CDH13: variants seen among roughly 807,000 people sequenced by gnomAD.
The protein encoded by CDH13 is cadherin-13.
CDH13 carries 24 observed loss-of-function variants against 63.8 expected under a neutral mutation model. The observed-to-expected ratio is 0.38, with a 90% CI of 0.27 to 0.53. The LOEUF (loss-of-function observed/expected upper bound fraction) is 0.53, where lower values mean the gene tolerates loss of function less well. CDH13 is among the 20% of genes least tolerant of loss of function. The probability of loss-of-function intolerance (pLI) is 0.85; values close to 1 mark genes in which losing one functional copy is unlikely to be tolerated. For missense variants in CDH13, 1,049 were observed against 903.1 expected, an observed-to-expected ratio of 1.16 and a Z score of -2.07; for synonymous variants, 503 against 355.3, an observed-to-expected ratio of 1.42 and a Z score of -4.67.
intron 5 of CDH13, among the ~76,000 whole-genome samples, chr16:83,246,912 T>G (rs1008172312): frequency 2.0e-5 from 3 of 152,212 alleles, no homozygotes; most frequent in African/African-American, 7.2e-5. Flanking sequence ...TGCCCGTGAC[T>G]TCTCTAATGC....
At chr16:83,024,601 T>A (rs547343224) in intron 2 of CDH13, among the ~76,000 whole-genome samples, 1 of 152,300 alleles carries the variant, frequency 6.6e-6, no homozygotes. Context: ...AGTCTCAGTT[T>A]CCACAGAACA....
At chr16:82,723,248 G>A (rs541594803) in intron 1 of CDH13, 1 of 152,288 alleles carries the variant, frequency 6.6e-6, no homozygotes, top group African/African-American at 2.4e-5. Flanking sequence ...GTGGCACTCT[G>A]TTCCTCCTTA....
At chr16:82,767,456 T>G (rs1329039221) in intron 1 of CDH13, among the ~76,000 whole-genome samples, 2 of 152,234 alleles carry the variant, frequency 1.3e-5, no homozygotes, top group East Asian at 3.8e-4. Context: ...GATCCTTGCA[T>G]GTTGTTGCAC....
chr16:82,810,432 A>G (rs575760384), intron 1 of CDH13, among the ~76,000 whole-genome samples: 2 of 152,296 alleles, frequency 1.3e-5, no homozygotes, highest in South Asian at 2.1e-4. Context: ...GGGAACTTTA[A>G]TCGTCTCCTC....
At chr16:83,780,398 A>G (rs1915435695) in intron 12 of CDH13, among the ~76,000 whole-genome samples, 197 bp downstream of exon 12, 1 of 152,238 alleles carries the variant, frequency 6.6e-6, no homozygotes, top group Admixed American at 6.5e-5. Flanking sequence ...TCTGTTTCAA[A>G]CACAGACATT....
At chr16:83,188,094 C>G (rs2038582152) in intron 4 of CDH13, among the ~76,000 whole-genome samples, 1 of 152,180 alleles carries the variant, frequency 6.6e-6, no homozygotes, top group Admixed American at 6.5e-5. Context: ...CACAGAAGGT[C>G]TTGGAGCCCA....
intron 7 of CDH13, among the ~76,000 whole-genome samples, chr16:83,541,905 A>G (rs1289080905): frequency 6.6e-6 from 1 of 152,242 alleles, no homozygotes; most frequent in Non-Finnish European, 1.5e-5. Flanking sequence ...CATGGGACAG[A>G]GGCTGTGTCT....
intron 1 of CDH13, among the ~76,000 whole-genome samples, chr16:82,750,118 T>C (rs1412430643): frequency 6.6e-6 from 1 of 152,058 alleles, no homozygotes; most frequent in East Asian, 1.9e-4. Context: ...CTGGAGGACA[T>C]AAGTTGAGCG....
At chr16:83,061,025 A>C (rs1223708803) in intron 3 of CDH13, among the ~76,000 whole-genome samples, 1 of 152,218 alleles carries the variant, frequency 6.6e-6, no homozygotes, top group East Asian at 1.9e-4. Flanking sequence ...GCTTAATACA[A>C]GTTCCTTGGC....
chr16:83,194,651 T>G (rs776270471), intron 4 of CDH13, among the ~76,000 whole-genome samples: 1 of 152,322 alleles, frequency 6.6e-6, no homozygotes, highest in East Asian at 1.9e-4. Context: ...CTTAACTAAA[T>G]CTTTTTTCTT....
rs975266003 is a variant in CDH13 at position 83,118,306 on chromosome 16, A to G, written c.367-7079A>G. Among the ~76,000 whole-genome samples, 25 of 152,182 alleles carry G rather than the reference A, an allele frequency of 1.6e-4. 1 individual carries two copies. Among genetic ancestry groups the G allele is most frequent in the Admixed American group, 1.6e-3 (24 of 15,282 alleles). On this transcript the variant is annotated intron_variant, in intron 3 of 13. Coordinates refer to ENST00000567109, the MANE Select transcript of CDH13 (RefSeq NM_001257.5). ...CTGGAAGTGCGAAGACGTGTGGCAT[A>G]TGTCCGTGGGTCTAGGCAGCTGATG...
At chr16:83,510,561 A>G (rs1263709088) in intron 7 of CDH13, among the ~76,000 whole-genome samples, 1 of 152,244 alleles carries the variant, frequency 6.6e-6, no homozygotes, top group African/African-American at 2.4e-5. Flanking sequence ...GAATAAGGAT[A>G]TGTTAGAAGA....
intron 7 of CDH13, among the ~76,000 whole-genome samples, chr16:83,489,160 A>G (rs929449405): frequency 6.6e-6 from 1 of 152,214 alleles, no homozygotes; most frequent in Non-Finnish European, 1.5e-5. Flanking sequence ...ATATTTTATA[A>G]GTCTCTATTT....
chr16:82,820,230 A>G (rs539983340), intron 1 of CDH13, among the ~76,000 whole-genome samples: 6 of 152,204 alleles, frequency 3.9e-5, no homozygotes. Flanking sequence ...GAAATAGTCA[A>G]TAGTGAATGG....
chr16:82,851,522 C>A (rs2039486049), intron 1 of CDH13, among the ~76,000 whole-genome samples: 1 of 152,106 alleles, frequency 6.6e-6, no homozygotes, highest in Admixed American at 6.5e-5. Context: ...TTTTACCTCC[C>A]CAAGAACTGT....
intron 7 of CDH13, among the ~76,000 whole-genome samples, chr16:83,521,518 G>T (rs540846094): frequency 2.9e-4 from 44 of 152,294 alleles, no homozygotes; most frequent in African/African-American, 1.1e-3. Flanking sequence ...TTTAAAGACA[G>T]CTTATCCCAG....
In CDH13 at chr16:83,325,195, T is replaced by C. The variant is rs111276113; in HGVS notation, c.637-19667T>C. Among the ~76,000 whole-genome samples, 249 of 152,308 alleles carry C rather than the reference T, an allele frequency of 1.6e-3. 1 individual carries two copies. Among genetic ancestry groups the C allele is most frequent in the African/African-American group, 5.6e-3 (231 of 41,540 alleles). On this transcript the variant is annotated intron_variant, in intron 5 of 13. Transcript: ENST00000567109. ...CATGACTCCAGATGAGTTTAAGAAA[T>C]CTTAAGACTATTTTTTAATTATTAC...
chr16:83,665,891 A>G (rs1445533591), intron 8 of CDH13, among the ~76,000 whole-genome samples: 1 of 152,170 alleles, frequency 6.6e-6, no homozygotes, highest in Non-Finnish European at 1.5e-5. Flanking sequence ...CCCTCTTCCT[A>G]CTTGTGATTG....
chr16:83,626,190 T>G (rs2150785443), intron 8 of CDH13, among the ~76,000 whole-genome samples: 1 of 152,228 alleles, frequency 6.6e-6, no homozygotes, highest in African/African-American at 2.4e-5. Flanking sequence ...TTAAATTTCT[T>G]CAGCTGATTT....
Sources: allele counts gnomAD v4.1 joint callset (sites outside exome capture counted in the v4.1 genomes callset), GRCh38; gene constraint gnomAD v4.1.1; transcripts MANE v1.5; gene names NCBI Gene and HGNC (gene_info 2026-07-23, HGNC 2026-07-21).